The following LRRC37A2 variants were observed in gnomAD, a reference collection of about 807,000 sequenced individuals.
The protein encoded by LRRC37A2 is leucine-rich repeat-containing protein 37A2.
In LRRC37A2, 9 loss-of-function variants were observed where a neutral mutation model predicts 68.8. The observed-to-expected ratio is 0.13, with a 90% CI of 0.08 to 0.23. LRRC37A2 has a LOEUF of 0.23. Ranked by LOEUF, LRRC37A2 falls within the 10% of genes least tolerant of loss-of-function variation. The pLI is 1.00. For missense variants in LRRC37A2, 168 were observed against 950.4 expected, an observed-to-expected ratio of 0.18 and a Z score of 10.82; for synonymous variants, 63 against 367.6, an observed-to-expected ratio of 0.17 and a Z score of 9.48.
chr17:47,037,227 T>C, the LRRC37A2 span, among the ~76,000 whole-genome samples: 1 of 151,110 alleles, frequency 6.6e-6, no homozygotes, highest in Non-Finnish European at 1.5e-5. Flanking sequence ...GAGGTGGAGG[T>C]TGCAGTAAGC....
chr17:46,964,112 C>G, the LRRC37A2 span: 1 of 152,250 alleles, frequency 6.6e-6, no homozygotes, highest in Non-Finnish European at 1.5e-5. Context: ...TTGGTATGGG[C>G]TCTCCTTTCC....
At chr17:46,607,952 A>G in the LRRC37A2 span, among the ~76,000 whole-genome samples, 3 of 132,364 alleles carry the variant, frequency 2.3e-5, no homozygotes, top group Non-Finnish European at 4.5e-5. Flanking sequence ...TGGGGAGTGC[A>G]CATTTCACTC....
chr17:46,849,774 C>T, the LRRC37A2 span, among the ~76,000 whole-genome samples: 1 of 152,092 alleles, frequency 6.6e-6, no homozygotes, highest in East Asian at 1.9e-4. Context: ...TTGTAAACAC[C>T]ATCACACCCC....
At chr17:46,687,322 A>C in the LRRC37A2 span, among the ~76,000 whole-genome samples, 1 of 146,950 alleles carries the variant, frequency 6.8e-6, no homozygotes, top group Admixed American at 6.8e-5. Flanking sequence ...AGTTGTGTAT[A>C]TCTTGTTCTC....
At chr17:46,511,187 T>TA (rs1408461063), upstream of LRRC37A2, among the ~76,000 whole-genome samples, 6 of 126,654 alleles carry the variant, frequency 4.7e-5, no homozygotes, top group Admixed American at 1.6e-4. Context: ...GAATTTTTTT[T>TA]AAAAAAAGGA....
At chr17:46,759,399 G>A in the LRRC37A2 span, among the ~76,000 whole-genome samples, 1 of 152,246 alleles carries the variant, frequency 6.6e-6, no homozygotes, top group Non-Finnish European at 1.5e-5. Context: ...GATAGCGCCT[G>A]TGATTGGCAA....
At chr17:46,541,307 A>G (rs1202705430) in intron 8 of LRRC37A2, among the ~76,000 whole-genome samples, 1 of 149,882 alleles carries the variant, frequency 6.7e-6, no homozygotes, top group Non-Finnish European at 1.5e-5. Context: ...GCTGCAGTGC[A>G]GCGGCATGAC....
At chr17:46,738,349 A>G in the LRRC37A2 span, among the ~76,000 whole-genome samples, 1 of 152,240 alleles carries the variant, frequency 6.6e-6, no homozygotes. Context: ...AGAAATTCAT[A>G]AGAAATTATA....
At chr17:46,994,227 A>G in the LRRC37A2 span, among the ~76,000 whole-genome samples, 1 of 152,124 alleles carries the variant, frequency 6.6e-6, no homozygotes, top group African/African-American at 2.4e-5. Context: ...TCTACTAAAA[A>G]TACAATAATT....
chr17:46,532,997 G>C (rs2053940323), intron 6 of LRRC37A2, among the ~76,000 whole-genome samples: 1 of 119,096 alleles, frequency 8.4e-6, no homozygotes, highest in Non-Finnish European at 1.7e-5. Flanking sequence ...CAGCTACTCA[G>C]GTGGCTAAGG....
the LRRC37A2 span, chr17:46,931,669 G>A: frequency 7.4e-5 from 13 of 174,748 alleles, no homozygotes; most frequent in South Asian, 6.2e-4. Context: ...CACCCCCAGC[G>A]CCTGTTTCCA....
At chr17:46,493,529 T>G in the LRRC37A2 span, among the ~76,000 whole-genome samples, 1 of 109,724 alleles carries the variant, frequency 9.1e-6, no homozygotes, top group East Asian at 2.4e-4. Context: ...CTTCTTTTAT[T>G]TTATTTTATT....
chr17:46,880,963 A>G, the LRRC37A2 span, among the ~76,000 whole-genome samples: 1 of 152,198 alleles, frequency 6.6e-6, no homozygotes, highest in Non-Finnish European at 1.5e-5. Context: ...TCAGGGACCT[A>G]CAGTCTAATA....
the LRRC37A2 span, chr17:46,885,571 G>A: frequency 6.6e-6 from 1 of 152,586 alleles, no homozygotes; most frequent in Non-Finnish European, 1.5e-5. Context: ...CCAGGGTGCT[G>A]GGATTACAGG....
the LRRC37A2 span, among the ~76,000 whole-genome samples, chr17:46,860,259 C>T: frequency 2.0e-5 from 3 of 152,088 alleles, no homozygotes; most frequent in Admixed American, 6.6e-5. Flanking sequence ...GAAGCGGGGC[C>T]GGCAGACTCC....
chr17:46,690,604 T>G, the LRRC37A2 span, among the ~76,000 whole-genome samples: 1 of 77,716 alleles, frequency 1.3e-5, no homozygotes, highest in Non-Finnish European at 2.8e-5. Context: ...AGAGTGAGAC[T>G]CCGTCTCAAA....
the LRRC37A2 span, among the ~76,000 whole-genome samples, chr17:46,965,618 A>G: frequency 4.3e-4 from 25 of 57,528 alleles, no homozygotes; most frequent in African/African-American, 1.2e-3. Flanking sequence ...CAGCAATGCT[A>G]TGCCTTCTCT....
chr17:46,657,317 A>G, the LRRC37A2 span, among the ~76,000 whole-genome samples: 2 of 148,952 alleles, frequency 1.3e-5, no homozygotes, highest in East Asian at 2.0e-4. Flanking sequence ...GATCAAAGCA[A>G]TCACTAAGCA....
At chr17:46,724,922 A>G in the LRRC37A2 span, among the ~76,000 whole-genome samples, 1 of 152,132 alleles carries the variant, frequency 6.6e-6, no homozygotes, top group African/African-American at 2.4e-5. Context: ...CCTGACTTCA[A>G]TCAGATATCT....
Sources: allele counts gnomAD v4.1 joint callset (sites outside exome capture counted in the v4.1 genomes callset), GRCh38; gene constraint gnomAD v4.1.1; transcripts MANE v1.5; gene names NCBI Gene and HGNC (gene_info 2026-07-23, HGNC 2026-07-21).